The following PPIL4 variants were observed in gnomAD, a reference collection of about 807,000 sequenced individuals.
The protein encoded by PPIL4 is peptidyl-prolyl cis-trans isomerase-like 4.
A neutral mutation model predicts 69.1 loss-of-function variants in PPIL4; 50 were observed. The observed-to-expected ratio is 0.72, with a 90% confidence interval of 0.58 to 0.92. The LOEUF (loss-of-function observed/expected upper bound fraction) is 0.92, where lower values mean the gene tolerates loss of function less well. PPIL4 is among the 40% of genes least tolerant of loss of function. The pLI, the probability that PPIL4 is intolerant of heterozygous loss-of-function variation, is 0.00. For synonymous variants in PPIL4, 193 were observed against 191.6 expected, an observed-to-expected ratio of 1.01 and a Z score of -0.06; for missense variants, 480 against 587.9, an observed-to-expected ratio of 0.82 and a Z score of 1.90.
intron 4 of PPIL4, 89 bp downstream of exon 4, chr6:149,540,853 C>A: frequency 1.4e-6 from 1 of 716,624 alleles, no homozygotes; most frequent in Non-Finnish European, 2.3e-6. Context: ...ACCCTCTAAG[C>A]CTTACTGGAT....
At chr6:149,523,191 T>C (rs1777057933) in intron 9 of PPIL4, among the ~76,000 whole-genome samples, 1 of 152,050 alleles carries the variant, frequency 6.6e-6, no homozygotes, top group Non-Finnish European at 1.5e-5. Flanking sequence ...GAAAAAGGCA[T>C]GCCTGTGGTC....
chr6:149,514,859 G>A lies in PPIL4; in HGVS notation c.1079+2495C>T, dbSNP rs1282865412. Among the ~76,000 whole-genome samples, 5 of 149,586 alleles carry A rather than the reference G, an allele frequency of 3.3e-5. No homozygotes were observed. The South Asian group carries it at 6.4e-4, about 19-fold the overall frequency. ...TTTTTTTTAATTTTTTTTTTGAGAC[G>A]GAGTTTCACTCTTGTTGCCCAGGCT... On this transcript the variant is annotated intron_variant, in intron 11 of 12. Coordinates refer to ENST00000253329, the MANE Select transcript of PPIL4 (RefSeq NM_139126.4).
rs150690324 is a variant in PPIL4 at position 149,546,043 on chromosome 6, G to C, written c.-38C>G. ...TCCTCCGCTACAAACCCCGGGAGGA[G>C]GGGGGTGACAGGCGCAGGCCGACGG... On this transcript the variant is annotated 5_prime_UTR_variant, in exon 1 of 13. Transcript: ENST00000253329. The C allele has an allele frequency of 6.5e-6, 10 of 1,546,654 alleles. No individual in the cohort carries two copies. Among genetic ancestry groups the C allele is most frequent in the East Asian group, 2.4e-5 (1 of 41,098 alleles).
At chr6:149,510,874 A>C (rs1367173035) in intron 12 of PPIL4, among the ~76,000 whole-genome samples, 1 of 152,206 alleles carries the variant, frequency 6.6e-6, no homozygotes, top group Admixed American at 6.5e-5. Context: ...AAAAGTAGTA[A>C]CAATAATAAC....
rs141079298 is a variant in PPIL4 at position 149,538,326 on chromosome 6, C to T, written c.322-2588G>A. ...TAACAGTCATTCTGCAGCCATGGAT[C>T]GAAGAGTAATTTCAACTTTCAAGTA... On this transcript the variant is annotated intron_variant, in intron 4 of 12. Coordinates refer to ENST00000253329, the MANE Select transcript of PPIL4 (RefSeq NM_139126.4). Among the ~76,000 whole-genome samples the T allele has an allele frequency of 5.5e-3, 839 of 151,836 alleles. 7 individuals carry two copies. The highest frequency in any genetic ancestry group is 0.019 in the African/African-American group (795 of 41,392).
intron 11 of PPIL4, among the ~76,000 whole-genome samples, chr6:149,515,589 G>A (rs1776932323): frequency 6.6e-6 from 1 of 152,208 alleles, no homozygotes; most frequent in Non-Finnish European, 1.5e-5. Flanking sequence ...ACAGCAAAAT[G>A]TAAGCTCTAT....
intron 6 of PPIL4, 54 bp downstream of exon 6, chr6:149,534,624 C>A: frequency 2.2e-6 from 2 of 897,202 alleles, no homozygotes; most frequent in South Asian, 1.7e-5. Flanking sequence ...AAAGATAAAT[C>A]CATACAAATC....
At chr6:149,517,291 A>G in intron 11 of PPIL4, 63 bp downstream of exon 11, 1 of 888,436 alleles carries the variant, frequency 1.1e-6, no homozygotes, top group Admixed American at 2.1e-5. Context: ...AACACATCAC[A>G]CAGTACTCTA....
chr6:149,520,717 G>C (rs1777017102), intron 10 of PPIL4, among the ~76,000 whole-genome samples: 2 of 151,952 alleles, frequency 1.3e-5, no homozygotes, highest in Admixed American at 1.3e-4. Flanking sequence ...AGCATGAAAA[G>C]CATAACAAAA....
chr6:149,541,255 G>T, intron 3 of PPIL4, 112 bp downstream of exon 3: 1 of 513,122 alleles, frequency 1.9e-6, no homozygotes, highest in Non-Finnish European at 3.1e-6. Context: ...TGAAGCATGA[G>T]CAATTATATT....
chr6:149,525,238 A>G (rs1446316173), intron 8 of PPIL4, 29 bp from the exon 9 acceptor site: 1 of 896,706 alleles, frequency 1.1e-6, no homozygotes, highest in East Asian at 3.3e-5. Context: ...AAGTGACTTA[A>G]AAAAAAAAAA....
intron 1 of PPIL4, 52 bp downstream of exon 1, chr6:149,545,884 G>C (rs1777432984): frequency 6.7e-7 from 1 of 1,502,600 alleles, no homozygotes; most frequent in Non-Finnish European, 9.1e-7. Flanking sequence ...AGGGAAAGTA[G>C]GGAGACAAGC....
chr6:149,529,762 CA>C (rs200318761), intron 7 of PPIL4, among the ~76,000 whole-genome samples: 24,829 of 71,762 alleles, frequency 0.35, 1,975 homozygotes, highest in East Asian at 0.67. Flanking sequence ...GACTCCGTCT[CA>C]AAAAAAAAAA....
intron 4 of PPIL4, 132 bp downstream of exon 4, chr6:149,540,810 C>T (rs1247514321): frequency 4.1e-6 from 2 of 488,838 alleles, no homozygotes; most frequent in African/African-American, 1.9e-5. Context: ...AGAAAAAGTG[C>T]ATTTTTTCCC....
chr6:149,506,825 G>A (rs1277223054), intron 12 of PPIL4, among the ~76,000 whole-genome samples: 1 of 152,046 alleles, frequency 6.6e-6, no homozygotes, highest in African/African-American at 2.4e-5. Flanking sequence ...CAAACTCCTG[G>A]GTTCAAGTGA....
intron 1 of PPIL4, among the ~76,000 whole-genome samples, chr6:149,542,069 T>G (rs964683107): frequency 6.6e-6 from 1 of 152,042 alleles, no homozygotes; most frequent in African/African-American, 2.4e-5. Flanking sequence ...AAAAAAACAT[T>G]TTAAATTACC....
chr6:149,525,262 T>C (rs1313445459), intron 8 of PPIL4, 53 bp from the exon 9 acceptor site: 20 of 912,688 alleles, frequency 2.2e-5, no homozygotes, highest in Middle Eastern at 4.5e-4. Context: ...GAAGAAAGCA[T>C]TCACTCTCAC....
intron 10 of PPIL4, among the ~76,000 whole-genome samples, chr6:149,520,284 G>A (rs1395027315): frequency 6.6e-6 from 1 of 152,068 alleles, no homozygotes; most frequent in Non-Finnish European, 1.5e-5. Flanking sequence ...ACCAATAGGT[G>A]ATAATGGTTA....
In PPIL4 at chr6:149,539,286, A is replaced by C. The variant is rs560342211; in HGVS notation, c.321+1656T>G. 3.3e-5 allele frequency among the ~76,000 whole-genome samples: 5 copies of C among 152,334 alleles called. No homozygotes were observed. In the East Asian group the frequency reaches 9.6e-4, roughly 29 times the overall value. ...TCTGAGAGGATTGACTTCAATCTTA[A>C]AAGAATTCTACTAAATGCTATCCAA... On this transcript the variant is annotated intron_variant, in intron 4 of 12. Transcript: ENST00000253329.
Sources: allele counts gnomAD v4.1 joint callset (sites outside exome capture counted in the v4.1 genomes callset), GRCh38; gene constraint gnomAD v4.1.1; transcripts MANE v1.5; gene names NCBI Gene and HGNC (gene_info 2026-07-23, HGNC 2026-07-21).